Variants in KDM6A observed in about 807,000 individuals in gnomAD.
KDM6A encodes the protein lysine demethylase 6A.
KDM6A carries 11 observed loss-of-function variants against 117.6 expected under a neutral mutation model. The ratio of observed to expected loss-of-function variants is 0.09; its 90% CI spans 0.06 to 0.15. The LOEUF is 0.15. Among genes scored for constraint, KDM6A ranks in the 10% least tolerant of loss-of-function variants. KDM6A has a pLI of 1.00. For missense variants in KDM6A, 799 were observed against 1,077.3 expected (o/e 0.74, Z 3.62); for synonymous variants, 384 against 396.1 (o/e 0.97, Z 0.36).
At chrX:45,005,981 CCCCACCACCCACCA>C (rs1188535335) in intron 4 of KDM6A, among the ~76,000 whole-genome samples, 44 of 58,383 alleles carry the variant, frequency 7.5e-4, no homozygotes, top group East Asian at 4.8e-3. Context: ...CCCCCCCACC[CCCCACCACCCACCA>C]CCCACCACCC....
At position 45,063,332 on chromosome X, in the gene KDM6A, T is replaced by G; in HGVS notation, c.1684-90T>G. 3.5e-6 allele frequency: 3 copies of G among 859,556 alleles called. No homozygotes were observed. In the South Asian group the frequency reaches 6.1e-5, roughly 17 times the overall value. 70.8% of individuals were successfully genotyped at this position (859,556 alleles called of 1,213,427 possible). ...ATTCCCTAATTATACATCTTCATAT[T>G]CATCTGGGGATTCATAGAGAATCCC... On this transcript the variant is annotated intron_variant, in intron 16 of 29. Transcript: ENST00000611820.
At chrX:44,911,808 C>G (rs1013472672) in intron 2 of KDM6A, among the ~76,000 whole-genome samples, 7 of 112,145 alleles carry the variant, frequency 6.2e-5, no homozygotes, top group Admixed American at 1.9e-4. Context: ...GCAGGTCACT[C>G]CGGGTTAGGA....
chrX:45,054,672 G>A (rs759380436), intron 10 of KDM6A, among the ~76,000 whole-genome samples: 5 of 111,488 alleles, frequency 4.5e-5, no homozygotes, highest in African/African-American at 1.6e-4. Context: ...ATCACTTTTC[G>A]CTTTCATGAT....
At position 45,083,613 on chromosome X, in the gene KDM6A, T is replaced by C. The variant is rs972968488; in HGVS notation, c.3589+5T>C. The C allele has an allele frequency of 2.3e-5, 28 of 1,196,904 alleles. No individual in the cohort carries two copies. Among genetic ancestry groups the C allele is most frequent in the Non-Finnish European group, 3.1e-5 (27 of 883,377 alleles). ...TTCCAGGGAGCAGAACACCAGGTAA[T>C]TTGTATGAACTAACATATCTTGTTA... On this transcript the variant is annotated splice_donor_5th_base_variant and intron_variant, in intron 24 of 29. Transcript: ENST00000611820.
chrX:45,066,130 A>C (rs747425367), intron 17 of KDM6A, among the ~76,000 whole-genome samples: 1 of 112,474 alleles, frequency 8.9e-6, no homozygotes, highest in Non-Finnish European at 1.9e-5. Context: ...AATATTTGCT[A>C]TCTGATCCTT....
intron 3 of KDM6A, among the ~76,000 whole-genome samples, chrX:44,974,462 A>T (rs1389943736): frequency 9.0e-6 from 1 of 110,830 alleles, no homozygotes; most frequent in African/African-American, 3.3e-5. Context: ...GTTAGCCTAG[A>T]TGCTGTTCAA....
At position 45,111,427 on chromosome X, in the gene KDM6A, A is replaced by T; in HGVS notation, c.*16A>T. The stretch of plus-strand genomic sequence containing the variant: ...CTCATCTTGATATTGTTCCATGGAC[A>T]TTAAATGAGACCTTTTCTGCTATTC... On this transcript the variant is annotated 3_prime_UTR_variant, in exon 30 of 30. Coordinates refer to ENST00000611820, the MANE Select transcript of KDM6A (RefSeq NM_001291415.2). The T allele has an allele frequency of 8.5e-7, 1 of 1,172,123 alleles. No homozygotes were observed. The highest frequency in any genetic ancestry group is 1.2e-6 in the Non-Finnish European group (1 of 860,372).
At chrX:45,104,513 A>G (rs1603045283) in intron 27 of KDM6A, among the ~76,000 whole-genome samples, 1 of 112,198 alleles carries the variant, frequency 8.9e-6, no homozygotes, top group East Asian at 2.8e-4. Context: ...TAAGTCTTAA[A>G]TATTATATGT....
intron 2 of KDM6A, among the ~76,000 whole-genome samples, chrX:44,931,410 A>G (rs1054076827): frequency 3.7e-4 from 42 of 112,113 alleles, no homozygotes; most frequent in African/African-American, 1.3e-3. Flanking sequence ...TAATGTACCT[A>G]TGTTCATTGT....
At chrX:44,928,507 T>C (rs764002544) in intron 2 of KDM6A, among the ~76,000 whole-genome samples, 2 of 111,904 alleles carry the variant, frequency 1.8e-5, no homozygotes, top group African/African-American at 3.2e-5. Flanking sequence ...AATAATAAAA[T>C]AGTAATATTT....
intron 27 of KDM6A, among the ~76,000 whole-genome samples, chrX:45,102,712 G>T (rs2046377927): frequency 9.0e-6 from 1 of 111,619 alleles, no homozygotes; most frequent in Non-Finnish European, 1.9e-5. Flanking sequence ...TTCTAAAACT[G>T]CATTCTCATG....
chrX:44,961,488 G>A (rs190448850), intron 3 of KDM6A, 96 bp downstream of exon 3: 11 of 555,061 alleles, frequency 2.0e-5, no homozygotes, highest in Non-Finnish European at 3.0e-5. Flanking sequence ...GAAATTGTAA[G>A]TGCATGAGCA....
At chrX:45,060,269 TTTGA>T in intron 13 of KDM6A, 113 bp downstream of exon 13, 3 of 1,089,829 alleles carry the variant, frequency 2.8e-6, no homozygotes, top group Non-Finnish European at 2.5e-6. Flanking sequence ...TGAAAAGCCT[TTTGA>T]TTTAATTGCA....
intron 2 of KDM6A, among the ~76,000 whole-genome samples, chrX:44,919,102 C>T (rs2035734753): frequency 8.9e-6 from 1 of 111,814 alleles, no homozygotes; most frequent in Non-Finnish European, 1.9e-5. Context: ...AAATTAAAGA[C>T]AGAGCATTCC....
Position 45,062,688 on chromosome X carries a change from A to G in KDM6A, c.1623A>G (p.Pro541=). ...GCGCAAATAGAAATAATTTAAATCC[A>G]GCACAGAAACTGATGCTGGAACAGC... is the stretch of plus-strand genomic sequence containing the variant. ...QLRANRNNLN[P]AQKLMLEQLE... is the part of the protein sequence containing the mutation. Residue 541 remains proline, a synonymous_variant, in exon 16 of 30, where the codon CCA becomes CCG. Coordinates refer to ENST00000611820, the MANE Select transcript of KDM6A (RefSeq NM_001291415.2). 1.7e-6 allele frequency: 2 copies of G among 1,209,624 alleles called. No individual in the cohort carries two copies. Among genetic ancestry groups the G allele is most frequent in the Non-Finnish European group, 2.2e-6 (2 of 893,354 alleles).
At chrX:45,104,178 C>T (rs1340403064) in intron 27 of KDM6A, among the ~76,000 whole-genome samples, 2 of 111,552 alleles carry the variant, frequency 1.8e-5, no homozygotes, top group Non-Finnish European at 3.8e-5. Context: ...GCATATGCCA[C>T]CACACCTGGC....
Position 44,873,725 on chromosome X carries a change from G to A in KDM6A, c.161+13G>A. The A allele has an allele frequency of 8.6e-7, 1 of 1,164,670 alleles. No homozygotes were observed. The highest frequency in any genetic ancestry group is 1.1e-6 in the Non-Finnish European group (1 of 871,591). ...GCGGACTGGACAGGTACGGGCCGCC[G>A]TCACTCGCCCGGTCGGCTCCGGACG... On this transcript the variant is annotated intron_variant, in intron 1 of 29. Coordinates refer to ENST00000611820, the MANE Select transcript of KDM6A (RefSeq NM_001291415.2).
intron 4 of KDM6A, among the ~76,000 whole-genome samples, chrX:45,006,403 A>G (rs924427106): frequency 9.0e-6 from 1 of 110,554 alleles, no homozygotes; most frequent in Non-Finnish European, 1.9e-5. Context: ...TCTCAGCAAG[A>G]CAAGATACTT....
intron 4 of KDM6A, among the ~76,000 whole-genome samples, chrX:45,007,332 GCTT>G (rs1218717740): frequency 2.7e-5 from 3 of 111,502 alleles, no homozygotes; most frequent in African/African-American, 6.5e-5. Flanking sequence ...GCTCCTTCCA[GCTT>G]CTTTTTATTT....
Sources: gnomAD v4.1 joint callset for allele counts (sites outside exome capture counted in the v4.1 genomes callset) on GRCh38, gnomAD v4.1.1 for gene constraint, MANE v1.5 for transcripts, NCBI Gene and HGNC (gene_info 2026-07-23, HGNC 2026-07-21) for gene names.